Variants in CLMN observed in about 807,000 individuals in gnomAD.
CLMN encodes calmin (calponin-like, transmembrane).
CLMN carries 57 observed loss-of-function variants against 92.7 expected under a neutral mutation model. That is an observed-to-expected ratio of 0.61 (90% CI 0.50 to 0.77). The LOEUF (loss-of-function observed/expected upper bound fraction) is 0.77, where lower values mean the gene tolerates loss of function less well. Among genes scored for constraint, CLMN ranks in the 30% least tolerant of loss-of-function variants. CLMN has a pLI of 0.00. For missense variants in CLMN, 1,158 were observed against 1,237.5 expected (o/e 0.94, Z 0.96); for synonymous variants, 466 against 470.6 (o/e 0.99, Z 0.13).
In CLMN at chr14:95,188,281, A is replaced by C. The variant is rs1249648113; in HGVS notation, c.*3283T>G. On this transcript the variant is annotated 3_prime_UTR_variant, in exon 13 of 13. Coordinates refer to ENST00000298912, the MANE Select transcript of CLMN (RefSeq NM_024734.4). ...CCACCAAAATAAAGAGAACTCAGAG[A>C]AAATGAGGGCAACACAGGGAGCAGA... 7 of 152,268 alleles carry C rather than the reference A, an allele frequency of 4.6e-5. No individual in the cohort carries two copies. The South Asian group carries it at 8.3e-4, about 18-fold the overall frequency. 9.4% of individuals were successfully genotyped at this position (152,268 alleles called of 1,614,324 possible). A position where few individuals can be genotyped will look rare whatever the true frequency, so the allele number is the denominator to read the frequency against.
At chr14:95,223,006 T>C (rs542567547) in intron 3 of CLMN, among the ~76,000 whole-genome samples, 4 of 152,178 alleles carry the variant, frequency 2.6e-5, no homozygotes, top group Non-Finnish European at 4.4e-5. Context: ...AATCAAACAG[T>C]GGACTCTGGA....
chr14:95,265,975 G>A (rs1018443996), intron 1 of CLMN, among the ~76,000 whole-genome samples: 5 of 152,206 alleles, frequency 3.3e-5, no homozygotes, highest in Non-Finnish European at 5.9e-5. Context: ...AGAAGCCACC[G>A]TCGAGGCACA....
chr14:95,256,157 G>A lies in CLMN; in HGVS notation c.83-26024C>T, dbSNP rs1898989912. Reference sequence around the variant, plus strand: ...TGGGCTACAGGGTAGTTACATGGGTGGGCATATGGGGTACAATGCCCCCAC... The same window carrying A: ...TGGGCTACAGGGTAGTTACATGGGTAGGCATATGGGGTACAATGCCCCCAC... On this transcript the variant is annotated intron_variant, in intron 1 of 12. Transcript: ENST00000298912. The surrounding 1 kb of genome is among the most constrained non-coding windows in gnomAD (Gnocchi z 4.9). Among the ~76,000 whole-genome samples, 1 of 152,176 alleles carries A rather than the reference G, an allele frequency of 6.6e-6. No individual in the cohort carries two copies. Among genetic ancestry groups the A allele is most frequent in the African/African-American group, 2.4e-5 (1 of 41,432 alleles).
chr14:95,262,099 A>C (rs911926982), intron 1 of CLMN, among the ~76,000 whole-genome samples: 1 of 152,168 alleles, frequency 6.6e-6, no homozygotes, highest in Non-Finnish European at 1.5e-5. Context: ...TGGCAAATCA[A>C]TCTGAACTCT....
At chr14:95,308,528 C>T (rs1444901232) in intron 1 of CLMN, among the ~76,000 whole-genome samples, 2 of 152,160 alleles carry the variant, frequency 1.3e-5, no homozygotes, top group South Asian at 2.1e-4. Flanking sequence ...TGGCTTGGAA[C>T]CTGTGACAAT....
intron 1 of CLMN, among the ~76,000 whole-genome samples, chr14:95,290,974 G>A (rs551983000): frequency 1.7e-4 from 26 of 152,276 alleles, no homozygotes; most frequent in African/African-American, 5.5e-4. Flanking sequence ...ACACAAACAC[G>A]TGCTTGCCAG....
intron 1 of CLMN, among the ~76,000 whole-genome samples, chr14:95,235,499 C>T (rs1329961562): frequency 1.3e-5 from 2 of 152,212 alleles, no homozygotes; most frequent in Admixed American, 1.3e-4. Context: ...GGCTCCACCA[C>T]AGACCCCAGG....
chr14:95,224,096 G>A (rs973724198), intron 2 of CLMN, among the ~76,000 whole-genome samples: 5 of 152,206 alleles, frequency 3.3e-5, no homozygotes, highest in African/African-American at 9.7e-5. Flanking sequence ...GGGGCTGATC[G>A]ACAAGTGGCC....
intron 2 of CLMN, among the ~76,000 whole-genome samples, chr14:95,225,773 G>T (rs1897692175): frequency 6.6e-6 from 1 of 152,216 alleles, no homozygotes; most frequent in Non-Finnish European, 1.5e-5. Flanking sequence ...AGGATCTAGA[G>T]TGTGGAGGGG....
chr14:95,259,678 G>A lies in CLMN; in HGVS notation c.83-29545C>T, dbSNP rs986851551. 6.6e-6 allele frequency among the ~76,000 whole-genome samples: 1 copy of A among 152,176 alleles called. No individual in the cohort carries two copies. The highest frequency in any genetic ancestry group is 2.4e-5 in the African/African-American group (1 of 41,428). ...CCCCAGGTGGGACCAGCACAGGGCA[G>A]ATACCTGTTCTGAACTATGGGCATC... On this transcript the variant is annotated intron_variant, in intron 1 of 12. Coordinates refer to ENST00000298912, the MANE Select transcript of CLMN (RefSeq NM_024734.4). The surrounding 1 kb of genome is among the most constrained non-coding windows in gnomAD (Gnocchi z 4.3).
chr14:95,294,718 G>C lies in CLMN; in HGVS notation c.82+24993C>G, dbSNP rs1900736106. On this transcript the variant is annotated intron_variant, in intron 1 of 12. Coordinates refer to ENST00000298912, the MANE Select transcript of CLMN (RefSeq NM_024734.4). The surrounding 1 kb of genome is among the most constrained non-coding windows in gnomAD (Gnocchi z 4.2). ...TCTCTCCCTGCCCTGTGTCCTGGGG[G>C]CAGGTCCTCCACAGGTTGTGTCACT... is the stretch of plus-strand genomic sequence containing the variant. Among the ~76,000 whole-genome samples the C allele has an allele frequency of 6.6e-6, 1 of 152,196 alleles. No individual in the cohort carries two copies. Among genetic ancestry groups the C allele is most frequent in the Non-Finnish European group, 1.5e-5 (1 of 68,036 alleles).
intron 1 of CLMN, among the ~76,000 whole-genome samples, chr14:95,238,421 G>A (rs1269029519): frequency 6.7e-6 from 1 of 148,684 alleles, no homozygotes; most frequent in African/African-American, 2.6e-5. Context: ...TTAAAGTCAA[G>A]GCCTCCATGT....
chr14:95,253,612 T>G (rs1335106155), intron 1 of CLMN, among the ~76,000 whole-genome samples: 2 of 131,758 alleles, frequency 1.5e-5, no homozygotes, highest in African/African-American at 5.7e-5. Context: ...TTTTTTTGTT[T>G]TTTTGTTTTT....
intron 1 of CLMN, among the ~76,000 whole-genome samples, chr14:95,306,014 C>T (rs938749433): frequency 4.6e-5 from 7 of 152,188 alleles, no homozygotes; most frequent in Admixed American, 2.6e-4. Flanking sequence ...ACCACCCAGG[C>T]ACTCTCTCTC....
At chr14:95,264,274 A>G (rs1360797777) in intron 1 of CLMN, among the ~76,000 whole-genome samples, 1 of 152,088 alleles carries the variant, frequency 6.6e-6, no homozygotes, top group Admixed American at 6.6e-5. Flanking sequence ...GGCTCAAGCA[A>G]TCTGCCTGCC....
chr14:95,198,685 T>C (rs1323832078), intron 9 of CLMN, among the ~76,000 whole-genome samples: 1 of 151,390 alleles, frequency 6.6e-6, no homozygotes, highest in Non-Finnish European at 1.5e-5. Context: ...TAAGATGGAG[T>C]TCAAATCTAG....
chr14:95,204,387 T>C lies in CLMN; in HGVS notation c.962A>G (p.Gln321Arg). ...AGTCAGAACGAAGACTTTGCTCTCC[T>C]GTTCAGAAGGAGTTTCTTTGATGCG... ...FVRIKETPSE[Q>R]ESKVFVLTEN... Residue 321 changes from glutamine (Q) to arginine (R), a missense_variant, in exon 9 of 13, where the codon CAG becomes CGG. Gln to Arg is a conservative substitution (Grantham distance 43). Transcript: ENST00000298912. 6.2e-7 allele frequency: 1 copy of C among 1,614,058 alleles called. No homozygotes were observed. Among genetic ancestry groups the C allele is most frequent in the Non-Finnish European group, 8.5e-7 (1 of 1,180,008 alleles).
At chr14:95,227,388 G>A (rs745402730) in intron 2 of CLMN, among the ~76,000 whole-genome samples, 6 of 152,148 alleles carry the variant, frequency 3.9e-5, no homozygotes, top group South Asian at 4.1e-4. Context: ...GCAAACTGCC[G>A]CAGCTCCTTG....
rs926358107 is a variant in CLMN at position 95,189,926 on chromosome 14, T to C, written c.*1638A>G. On this transcript the variant is annotated 3_prime_UTR_variant, in exon 13 of 13. Coordinates refer to ENST00000298912, the MANE Select transcript of CLMN (RefSeq NM_024734.4). ...GGCTGTCATCGACTCAGATGTGCTA[T>C]GTAAATTCTTCTGGCCATGCTGGAA... is the stretch of plus-strand genomic sequence containing the variant. 1.3e-5 allele frequency: 2 copies of C among 152,222 alleles called. No individual in the cohort carries two copies. The highest frequency in any genetic ancestry group is 4.1e-4 in the South Asian group (2 of 4,838). The allele number at this position is 152,222 out of a possible 1,614,324, so 9.4% of individuals were successfully genotyped here.
Sources: allele counts gnomAD v4.1 joint callset (sites outside exome capture counted in the v4.1 genomes callset), GRCh38; gene constraint gnomAD v4.1.1; non-coding constraint Gnocchi (gnomAD v3.1); transcripts MANE v1.5; gene names NCBI Gene and HGNC (gene_info 2026-07-23, HGNC 2026-07-21).